The following MTUS2 variants were observed in gnomAD, a reference collection of about 807,000 sequenced individuals.
The protein encoded by MTUS2 is microtubule associated scaffold protein 2.
Under a neutral mutation model 114.1 loss-of-function variants are expected in MTUS2, and 40 were observed. The ratio of observed to expected loss-of-function variants is 0.35; its 90% CI spans 0.27 to 0.46. MTUS2 has a LOEUF of 0.46. Ranked by LOEUF, MTUS2 falls within the 20% of genes least tolerant of loss-of-function variation. The pLI is 1.00. For missense variants in MTUS2, 1,679 were observed against 1,705.4 expected, an observed-to-expected ratio of 0.98 and a Z score of 0.27; for synonymous variants, 688 against 672.0, an observed-to-expected ratio of 1.02 and a Z score of -0.37.
chr13:28,906,217 A>G (rs952205642), intron 2 of MTUS2, among the ~76,000 whole-genome samples: 5 of 151,398 alleles, frequency 3.3e-5, no homozygotes, highest in African/African-American at 9.8e-5. Context: ...TCCTGGATTC[A>G]TTAATTTTTT....
chr13:29,380,638 C>T (rs184086073), intron 8 of MTUS2, among the ~76,000 whole-genome samples: 5,270 of 22,690 alleles, frequency 0.23, 2,334 homozygotes, highest in Non-Finnish European at 0.59. Flanking sequence ...ATCAGCTGGC[C>T]GGGCGCGGTG....
intron 7 of MTUS2, among the ~76,000 whole-genome samples, chr13:29,332,315 C>A (rs547476311): frequency 2.0e-5 from 3 of 148,342 alleles, no homozygotes; most frequent in Non-Finnish European, 4.4e-5. Flanking sequence ...GGAATTTATC[C>A]ATTTCTTCTA....
chr13:28,855,327 C>T (rs759005085), intron 2 of MTUS2, among the ~76,000 whole-genome samples: 9 of 151,990 alleles, frequency 5.9e-5, no homozygotes, highest in Non-Finnish European at 1.2e-4. Flanking sequence ...CATAAGTAAA[C>T]GTGTGCAATG....
chr13:29,010,909 G>C (rs561645890), intron 2 of MTUS2, among the ~76,000 whole-genome samples: 1 of 152,220 alleles, frequency 6.6e-6, no homozygotes, highest in East Asian at 1.9e-4. Flanking sequence ...TGCAGTCCTG[G>C]AGAGCTGCCC....
At chr13:29,429,040 A>G (rs1593434358) in intron 8 of MTUS2, 7 of 778,540 alleles carry the variant, frequency 9.0e-6, no homozygotes, top group Admixed American at 2.3e-5. Flanking sequence ...ACTCGTTCCA[A>G]TGTGCTGAAT....
intron 2 of MTUS2, among the ~76,000 whole-genome samples, chr13:28,968,498 G>T (rs1883702969): frequency 6.6e-6 from 1 of 152,156 alleles, no homozygotes. Context: ...AAATGGGCCA[G>T]TTTTGTAATT....
At position 29,042,080 on chromosome 13, in the gene MTUS2, C is replaced by A. The variant is rs183624209; in HGVS notation, c.2446+7955C>A. 1.4e-4 allele frequency among the ~76,000 whole-genome samples: 21 copies of A among 152,222 alleles called. No homozygotes were observed. In the East Asian group the frequency reaches 4.1e-3, roughly 29 times the overall value. On this transcript the variant is annotated intron_variant, in intron 4 of 15. Transcript: ENST00000612955. ...GGAATGCTTTTAGCTTTTCCCCATT[C>A]AGTATAATGTTGGCTGTGGCGTTGT... is the stretch of plus-strand genomic sequence containing the variant.
chr13:29,280,052 A>G (rs1400392068), intron 5 of MTUS2, among the ~76,000 whole-genome samples: 1 of 152,236 alleles, frequency 6.6e-6, no homozygotes, highest in African/African-American at 2.4e-5. Context: ...CTAGTGGTTG[A>G]GCCATGCCCC....
At position 29,321,194 on chromosome 13, in the gene MTUS2, C is replaced by T. The variant is rs565277649; in HGVS notation, c.2807-3419C>T. 4.6e-3 allele frequency among the ~76,000 whole-genome samples: 701 copies of T among 152,246 alleles called. 4 individuals are homozygous for T. The highest frequency in any genetic ancestry group is 0.016 in the African/African-American group (657 of 41,528). On this transcript the variant is annotated intron_variant, in intron 6 of 15. Coordinates refer to ENST00000612955, the MANE Select transcript of MTUS2 (RefSeq NM_001033602.4). ...TGTGAGCCTGTTGAATGGATAAGCT[C>T]ACTCAGAAGACTGGACAGGAGAAGG...
intron 5 of MTUS2, among the ~76,000 whole-genome samples, chr13:29,170,689 C>T (rs1394548977): frequency 6.6e-6 from 1 of 152,206 alleles, no homozygotes; most frequent in Non-Finnish European, 1.5e-5. Context: ...GTCAAGTACA[C>T]ATGTGCCTAA....
intron 2 of MTUS2, among the ~76,000 whole-genome samples, chr13:28,881,242 C>T (rs570329372): frequency 1.3e-5 from 2 of 152,290 alleles, no homozygotes; most frequent in East Asian, 1.9e-4. Flanking sequence ...TTTTCTGTTT[C>T]TGAGTTATTT....
intron 5 of MTUS2, among the ~76,000 whole-genome samples, chr13:29,233,789 C>T (rs748480978): frequency 3.9e-5 from 6 of 152,146 alleles, no homozygotes; most frequent in Non-Finnish European, 7.3e-5. Context: ...GAAAACAACT[C>T]TTTTGAATGC....
intron 4 of MTUS2, among the ~76,000 whole-genome samples, chr13:29,080,985 C>G (rs748525429): frequency 1.4e-4 from 22 of 152,168 alleles, no homozygotes; most frequent in Non-Finnish European, 3.2e-4. Flanking sequence ...CTCAGCCTCT[C>G]AAAGTGCTGG....
At chr13:29,081,992 GGACT>G (rs1461882118) in intron 4 of MTUS2, among the ~76,000 whole-genome samples, 1 of 152,118 alleles carries the variant, frequency 6.6e-6, no homozygotes, top group African/African-American at 2.4e-5. Flanking sequence ...TTTCAGTTAT[GGACT>G]GACTGTTTGT....
chr13:29,249,470 T>A (rs1897046995), intron 5 of MTUS2, among the ~76,000 whole-genome samples: 1 of 152,210 alleles, frequency 6.6e-6, no homozygotes, highest in South Asian at 2.1e-4. Flanking sequence ...CACCAGCATC[T>A]GTTGTTTCTT....
rs1481811051 is a variant in MTUS2 at position 28,905,568 on chromosome 13, G to A, written c.-243+65718G>A. Among the ~76,000 whole-genome samples, 33 of 151,480 alleles carry A rather than the reference G, an allele frequency of 2.2e-4. 1 individual carries two copies. The highest frequency in any genetic ancestry group is 5.3e-4 in the Admixed American group (8 of 15,224). On this transcript the variant is annotated intron_variant, in intron 2 of 15. Transcript: ENST00000612955. ...TGCTGGATTACATTTATTGATTTTC[G>A]TATGTTGAACCAGCCTCGCATCCCA... is the stretch of plus-strand genomic sequence containing the variant.
intron 8 of MTUS2, among the ~76,000 whole-genome samples, chr13:29,426,979 G>C (rs1876586706): frequency 6.6e-6 from 1 of 152,146 alleles, no homozygotes; most frequent in African/African-American, 2.4e-5. Flanking sequence ...ACAGCTTTCA[G>C]CCCAGGTTTG....
chr13:28,877,514 G>A (rs1248426186), intron 2 of MTUS2, among the ~76,000 whole-genome samples: 1 of 152,128 alleles, frequency 6.6e-6, no homozygotes, highest in Non-Finnish European at 1.5e-5. Context: ...TTTATAACTT[G>A]TAAGACAGTA....
chr13:28,832,258 T>C (rs1047249269), intron 1 of MTUS2, among the ~76,000 whole-genome samples: 3 of 152,152 alleles, frequency 2.0e-5, no homozygotes, highest in African/African-American at 7.2e-5. Flanking sequence ...AAATAGACTA[T>C]GTAATAGGTC....
Sources: allele counts gnomAD v4.1 joint callset (sites outside exome capture counted in the v4.1 genomes callset), GRCh38; gene constraint gnomAD v4.1.1; transcripts MANE v1.5; gene names NCBI Gene and HGNC (gene_info 2026-07-23, HGNC 2026-07-21).